CALCR: variants seen among roughly 807,000 people sequenced by gnomAD.
The protein encoded by CALCR is calcitonin receptor.
In CALCR, 47 loss-of-function variants were observed where a neutral mutation model predicts 59.5. The ratio of observed to expected loss-of-function variants is 0.79; its 90% CI spans 0.63 to 1.01. The LOEUF is 1.01. CALCR is among the 50% of genes least tolerant of loss of function. CALCR has a pLI of 0.00. For missense variants in CALCR, 566 were observed against 597.1 expected, an observed-to-expected ratio of 0.95 and a Z score of 0.54; for synonymous variants, 213 against 211.3, an observed-to-expected ratio of 1.01 and a Z score of -0.07.
intron 2 of CALCR, among the ~76,000 whole-genome samples, chr7:93,508,561 T>C (rs1478426203): frequency 1.3e-5 from 2 of 152,234 alleles, no homozygotes; most frequent in African/African-American, 4.8e-5. Flanking sequence ...GTTACAAATT[T>C]AAAAAGTAGT....
chr7:93,427,702 A>G (rs965552197), intron 13 of CALCR, among the ~76,000 whole-genome samples: 27 of 152,312 alleles, frequency 1.8e-4, no homozygotes, highest in African/African-American at 6.5e-4. Flanking sequence ...TAATGTTATA[A>G]AACTATATGT....
intron 2 of CALCR, among the ~76,000 whole-genome samples, chr7:93,491,120 G>A (rs1801066043): frequency 6.6e-6 from 1 of 151,964 alleles, no homozygotes; most frequent in Non-Finnish European, 1.5e-5. Context: ...ACAACTATCT[G>A]ATCTTCAACA....
chr7:93,466,185 C>T (rs145932291), intron 7 of CALCR, among the ~76,000 whole-genome samples: 46 of 151,858 alleles, frequency 3.0e-4, no homozygotes, highest in African/African-American at 1.1e-3. Context: ...ATATTTTTTG[C>T]TCAGGTTGCA....
chr7:93,478,128 G>A (rs1389174173), intron 4 of CALCR, among the ~76,000 whole-genome samples: 1 of 151,736 alleles, frequency 6.6e-6, no homozygotes, highest in African/African-American at 2.4e-5. Flanking sequence ...AAAAATATCA[G>A]TTCTGTGTTT....
chr7:93,574,679 C>A lies in CALCR; in HGVS notation c.-245+13G>T, dbSNP rs1303614635. ...GGCTTGCTTTCTACCTCCCCAGAGT[C>A]CAGGAGGCTCACCTTCCCGGCGCCT... is the stretch of plus-strand genomic sequence containing the variant. On this transcript the variant is annotated intron_variant, in intron 1 of 13. Transcript: ENST00000426151. 2 of 152,692 alleles carry A rather than the reference C, an allele frequency of 1.3e-5. No homozygotes were observed. The highest frequency in any genetic ancestry group is 2.9e-5 in the Non-Finnish European group (2 of 68,448). 9.5% of individuals were successfully genotyped at this position (152,692 alleles called of 1,614,324 possible).
chr7:93,448,412 T>C (rs1316566898), intron 8 of CALCR, among the ~76,000 whole-genome samples: 1 of 152,014 alleles, frequency 6.6e-6, no homozygotes, highest in Non-Finnish European at 1.5e-5. Context: ...TTGATTAAAA[T>C]GCATACTTTA....
At chr7:93,562,098 T>C (rs1024228529) in intron 2 of CALCR, among the ~76,000 whole-genome samples, 1 of 150,256 alleles carries the variant, frequency 6.7e-6, no homozygotes, top group Non-Finnish European at 1.5e-5. Context: ...AAGCCTTCAA[T>C]AAATGTTAGT....
At chr7:93,488,582 G>GAAAAAAAA (rs1554401502) in intron 2 of CALCR, among the ~76,000 whole-genome samples, 3 of 78,034 alleles carry the variant, frequency 3.8e-5, no homozygotes, top group African/African-American at 5.0e-5. Context: ...CAAATGGAAA[G>GAAAAAAAA]AAAAAAAAAA....
intron 2 of CALCR, among the ~76,000 whole-genome samples, chr7:93,568,403 C>G (rs1208498207): frequency 1.3e-5 from 2 of 152,124 alleles, no homozygotes; most frequent in Non-Finnish European, 2.9e-5. Flanking sequence ...TAAAATTGCT[C>G]TCAATTAAAT....
At position 93,555,549 on chromosome 7, in the gene CALCR, C is replaced by G. The variant is rs543659907; in HGVS notation, c.-27+18740G>C. The stretch of plus-strand genomic sequence containing the variant: ...AACAACAACAACAACAACAAAAACC[C>G]TAAGCATTTTGAATGATGTCTACCT... On this transcript the variant is annotated intron_variant, in intron 2 of 13. Coordinates refer to ENST00000426151, the MANE Select transcript of CALCR (RefSeq NM_001742.4). Among the ~76,000 whole-genome samples the G allele has an allele frequency of 9.2e-5, 14 of 152,224 alleles. No homozygotes were observed. In the South Asian group the frequency reaches 1.2e-3, roughly 14 times the overall value.
At chr7:93,477,714 C>T in intron 4 of CALCR, 46 bp from the exon 5 acceptor site, 1 of 1,200,750 alleles carries the variant, frequency 8.3e-7, no homozygotes, top group Non-Finnish European at 1.2e-6. Flanking sequence ...GTGGATTTAA[C>T]TAAATGAGAA....
At chr7:93,556,554 C>A (rs1055851971) in intron 2 of CALCR, among the ~76,000 whole-genome samples, 6 of 152,012 alleles carry the variant, frequency 3.9e-5, no homozygotes, top group African/African-American at 1.4e-4. Context: ...TCCAACATAA[C>A]TTCTCAGAAG....
intron 2 of CALCR, among the ~76,000 whole-genome samples, chr7:93,527,895 C>T (rs1394895627): frequency 6.6e-6 from 1 of 152,062 alleles, no homozygotes; most frequent in African/African-American, 2.4e-5. Context: ...AAGACACAGA[C>T]CTGTTCAGTT....
chr7:93,567,055 G>A (rs1789879162), intron 2 of CALCR, among the ~76,000 whole-genome samples: 1 of 152,160 alleles, frequency 6.6e-6, no homozygotes, highest in African/African-American at 2.4e-5. Context: ...GAGGGCAGAG[G>A]GCTGTTGGGA....
intron 8 of CALCR, among the ~76,000 whole-genome samples, chr7:93,457,791 G>T (rs2283008): frequency 6.6e-6 from 1 of 152,146 alleles, no homozygotes; most frequent in East Asian, 1.9e-4. Flanking sequence ...TCTGGTTATA[G>T]GCGGCGATCA....
intron 13 of CALCR, among the ~76,000 whole-genome samples, chr7:93,428,702 G>T (rs181552171): frequency 2.0e-5 from 3 of 151,218 alleles, no homozygotes; most frequent in Admixed American, 1.3e-4. Flanking sequence ...CAGGAGAATG[G>T]CATGAACCTG....
intron 2 of CALCR, among the ~76,000 whole-genome samples, chr7:93,562,644 A>T (rs761622689): frequency 6.6e-6 from 1 of 152,138 alleles, no homozygotes; most frequent in Non-Finnish European, 1.5e-5. Context: ...TTATATCTGG[A>T]ACCCAACCCT....
At chr7:93,484,386 G>C (rs917147153) in intron 3 of CALCR, among the ~76,000 whole-genome samples, 2 of 151,744 alleles carry the variant, frequency 1.3e-5, no homozygotes, top group Admixed American at 6.6e-5. Flanking sequence ...CTGAGTGTAT[G>C]GACCCAAGCT....
intron 2 of CALCR, among the ~76,000 whole-genome samples, chr7:93,512,642 T>C (rs1467364387): frequency 6.6e-6 from 1 of 152,186 alleles, no homozygotes; most frequent in East Asian, 1.9e-4. Flanking sequence ...ATATTTAAGA[T>C]AATTATATTT....
Sources: allele counts gnomAD v4.1 joint callset (sites outside exome capture counted in the v4.1 genomes callset), GRCh38; gene constraint gnomAD v4.1.1; transcripts MANE v1.5; gene names NCBI Gene and HGNC (gene_info 2026-07-23, HGNC 2026-07-21).